LMBR1L: variants seen among roughly 807,000 people sequenced by gnomAD.
The protein encoded by LMBR1L is limb development membrane protein 1 like, also known as protein LMBR1L.
Under a neutral mutation model 67.3 loss-of-function variants are expected in LMBR1L, and 47 were observed. That is an observed-to-expected ratio of 0.70 (90% CI 0.55 to 0.89). The LOEUF (loss-of-function observed/expected upper bound fraction) is 0.89, where lower values mean the gene tolerates loss of function less well. Among genes scored for constraint, LMBR1L ranks in the 40% least tolerant of loss-of-function variants. The pLI, the probability that LMBR1L is intolerant of heterozygous loss-of-function variation, is 0.00. For synonymous variants in LMBR1L, 247 were observed against 250.3 expected, an observed-to-expected ratio of 0.99 and a Z score of 0.13; for missense variants, 533 against 599.2, an observed-to-expected ratio of 0.89 and a Z score of 1.15.
chr12:49,105,923 C>T lies in LMBR1L; in HGVS notation c.191+1G>A, dbSNP rs201470223. On this transcript the variant is annotated splice_donor_variant, in intron 3 of 16. Coordinates refer to ENST00000267102, the MANE Select transcript of LMBR1L (RefSeq NM_018113.4). LOFTEE classifies it high-confidence loss of function. ...TTAGGTGCTGAGGCAGGGACACTTA[C>T]GCAATCTTGTTGACGGTGGCATCTT... 3.0e-5 allele frequency: 48 copies of T among 1,612,336 alleles called. 1 individual carries two copies. The highest frequency in any genetic ancestry group is 1.2e-4 in the South Asian group (11 of 90,826).
intron 14 of LMBR1L, 23 bp from the exon 15 acceptor site, chr12:49,100,477 G>A: frequency 1.2e-6 from 2 of 1,612,356 alleles, no homozygotes; most frequent in Non-Finnish European, 1.7e-6. Flanking sequence ...AGGGAAAGGA[G>A]AGGTGAGGGT....
chr12:49,104,452 C>T lies in LMBR1L; in HGVS notation c.431G>A (p.Arg144Lys). 1 of 1,606,724 alleles carries T rather than the reference C, an allele frequency of 6.2e-7. No individual in the cohort carries two copies. Among genetic ancestry groups the T allele is most frequent in the Non-Finnish European group, 8.5e-7 (1 of 1,173,348 alleles). Residue 144 changes from arginine (R) to lysine (K), a missense_variant, in exon 5 of 17, where the codon AGA becomes AAA. Transcript: ENST00000267102. ...FTESEGFAGS[R>K]KGVLGRVYET... Reference sequence around the variant, plus strand: ...GGATACATATCCCCTACTTACCTTTCTGGAGCCAGCAAAGCCCTCAGACTC... The same window carrying T: ...GGATACATATCCCCTACTTACCTTTTTGGAGCCAGCAAAGCCCTCAGACTC...
chr12:49,106,695 G>T (rs1199494746), intron 2 of LMBR1L: 1 of 1,120,802 alleles, frequency 8.9e-7, no homozygotes, highest in Non-Finnish European at 1.3e-6. Context: ...ATCTCCTTTG[G>T]TCCACACAAT....
intron 6 of LMBR1L, 58 bp from the exon 7 acceptor site, chr12:49,103,217 C>G: frequency 6.9e-7 from 1 of 1,451,502 alleles, no homozygotes; most frequent in Non-Finnish European, 9.6e-7. Flanking sequence ...TGTCCCCAGG[C>G]TGACAGGCCT....
Position 49,103,784 on chromosome 12 carries a change from CACT to C in LMBR1L, c.462_464del (p.Val156del). On this transcript the variant is annotated inframe_deletion, in exon 6 of 17. Coordinates refer to ENST00000267102, the MANE Select transcript of LMBR1L (RefSeq NM_018113.4). The stretch of plus-strand genomic sequence containing the variant: ...GCAGAGTGAGGAGCATCAACATCAC[CACT>C]GTCTCATAGACCCGGCCCAGGACAC... 1 of 1,613,966 alleles carries C rather than the reference CACT, an allele frequency of 6.2e-7. No individual in the cohort carries two copies.
In LMBR1L at chr12:49,102,959, G is replaced by T. The variant is rs772510548; in HGVS notation, c.632-8C>A. ...GACCCAGTGGAGTACACACTGTAGG[G>T]ACAAGAGCCAGTCACTTGCCAGACC... On this transcript the variant is annotated splice_polypyrimidine_tract_variant and splice_region_variant and intron_variant, in intron 7 of 16. Coordinates refer to ENST00000267102, the MANE Select transcript of LMBR1L (RefSeq NM_018113.4). The T allele has an allele frequency of 1.2e-6, 2 of 1,613,906 alleles. No homozygotes were observed. The highest frequency in any genetic ancestry group is 1.7e-6 in the Non-Finnish European group (2 of 1,179,868).
intron 1 of LMBR1L, among the ~76,000 whole-genome samples, chr12:49,109,284 GAC>G (rs1180923260): frequency 7.2e-5 from 11 of 152,222 alleles, no homozygotes; most frequent in South Asian, 4.2e-4. Flanking sequence ...CCTCCAGCCC[GAC>G]ACTGTCTCAA....
rs1323535209 is a variant in LMBR1L, at chr12:49,105,005, G to C, written c.192-120C>G. 3 of 1,121,492 alleles carry C rather than the reference G, an allele frequency of 2.7e-6. No individual in the cohort carries two copies. The South Asian group carries it at 4.5e-5, about 17-fold the overall frequency. The allele number at this position is 1,121,492 out of a possible 1,614,324, so 69.5% of individuals were successfully genotyped here. ...CAGAACCAGCTGTAGCAATCACAGA[G>C]CTAAGGAAGGAGCTGTCCAGCTGGG... is the stretch of plus-strand genomic sequence containing the variant. On this transcript the variant is annotated intron_variant, in intron 3 of 16. Transcript: ENST00000267102.
intron 1 of LMBR1L, among the ~76,000 whole-genome samples, chr12:49,109,294 C>G (rs1160773517): frequency 7.2e-5 from 11 of 152,340 alleles, no homozygotes; most frequent in South Asian, 4.2e-4. Context: ...GACACTGTCT[C>G]AAGGCCTGGG....
In LMBR1L at chr12:49,102,345, C is replaced by A. The variant is rs1451551917; in HGVS notation, c.801G>T (p.Met267Ile). 1.2e-6 allele frequency: 2 copies of A among 1,614,104 alleles called. No individual in the cohort carries two copies. Among genetic ancestry groups the A allele is most frequent in the Non-Finnish European group, 1.7e-6 (2 of 1,180,044 alleles). Residue 267 changes from methionine to isoleucine, a missense_variant, in exon 10 of 17, where the codon ATG becomes ATT. By Grantham distance (10) the Met-to-Ile change is conservative. Transcript: ENST00000267102. Reference sequence around the variant, plus strand: ...CCAGGACCTGTCTGTGTAGCAGCTCCATGTCTAAAGGCAGCCAGCAGGAAG... The same window carrying A: ...CCAGGACCTGTCTGTGTAGCAGCTCAATGTCTAAAGGCAGCCAGCAGGAAG... Reference protein sequence around the residue: ...NPTSCWLPLDMELLHRQVLAL... With the variant: ...NPTSCWLPLDIELLHRQVLAL...
Position 49,110,544 on chromosome 12 carries a change from A to G in LMBR1L, c.12T>C (p.Pro4=). Residue 4 remains proline (P), a synonymous_variant, in exon 1 of 17, where the codon CCT becomes CCC. Transcript: ENST00000267102. The part of the protein sequence containing the change: MEA[P]DYEVLSVREQ... ...CTCGCACGGATAGCACTTCGTAGTCAGGTGCTTCCATACTCTGCTCAGCAT... is the reference window on the plus strand; with the variant it reads ...CTCGCACGGATAGCACTTCGTAGTCGGGTGCTTCCATACTCTGCTCAGCAT... The G allele has an allele frequency of 6.2e-7, 1 of 1,614,026 alleles. No homozygotes were observed. Among genetic ancestry groups the G allele is most frequent in the African/African-American group, 1.3e-5 (1 of 75,044 alleles).
At chr12:49,100,879 C>T (rs1940080225) in intron 13 of LMBR1L, 1 of 568,098 alleles carries the variant, frequency 1.8e-6, no homozygotes, top group African/African-American at 1.9e-5. Flanking sequence ...AAGCACGCAC[C>T]ACCACGTCTG....
At chr12:49,106,687 C>T (rs1208161220) in intron 2 of LMBR1L, 3 of 1,180,114 alleles carry the variant, frequency 2.5e-6, no homozygotes, top group Non-Finnish European at 3.6e-6. Flanking sequence ...CATTAACCAT[C>T]TCCTTTGGTC....
intron 5 of LMBR1L, 58 bp from the exon 6 acceptor site, chr12:49,103,871 G>C (rs1195302843): frequency 9.1e-6 from 14 of 1,530,294 alleles, no homozygotes; most frequent in Non-Finnish European, 1.1e-5. Flanking sequence ...GGGAACATTG[G>C]AGATGGCAGG....
At chr12:49,109,195 G>C (rs763126119) in intron 1 of LMBR1L, among the ~76,000 whole-genome samples, 1 of 152,138 alleles carries the variant, frequency 6.6e-6, no homozygotes, top group Non-Finnish European at 1.5e-5. Context: ...TCAGCTCATG[G>C]GACTAAAGGA....
intron 1 of LMBR1L, chr12:49,109,798 A>T: frequency 2.2e-6 from 1 of 452,674 alleles, no homozygotes; most frequent in Non-Finnish European, 4.4e-6. Flanking sequence ...GGGCGTAAGG[A>T]ACAGCAGCCA....
In LMBR1L at chr12:49,110,605, C is replaced by G. The variant is rs567938566; in HGVS notation, c.-50G>C. The G allele has an allele frequency of 3.7e-5, 58 of 1,568,148 alleles. No homozygotes were observed. Among genetic ancestry groups the G allele is most frequent in the Middle Eastern group, 1.7e-4 (1 of 5,892 alleles). On this transcript the variant is annotated 5_prime_UTR_variant, in exon 1 of 17. Coordinates refer to ENST00000267102, the MANE Select transcript of LMBR1L (RefSeq NM_018113.4). Reference sequence around the variant, plus strand: ...GAGGTGCCTCTGGGCCCGGGGAGGACGAGCGGGGAGGAAGCCGCCGCCGCC... The same window carrying G: ...GAGGTGCCTCTGGGCCCGGGGAGGAGGAGCGGGGAGGAAGCCGCCGCCGCC...
chr12:49,099,994 G>A (rs147012164), intron 15 of LMBR1L, among the ~76,000 whole-genome samples: 1 of 152,218 alleles, frequency 6.6e-6, no homozygotes, highest in Non-Finnish European at 1.5e-5. Flanking sequence ...TGGGGTTCAG[G>A]AGACAAGGGT....
intron 2 of LMBR1L, chr12:49,106,228 G>A (rs988715408): frequency 3.0e-5 from 16 of 533,616 alleles, no homozygotes; most frequent in Admixed American, 1.6e-4. Flanking sequence ...CCCATCACAA[G>A]TTCCTCTTTA....
Sources: gnomAD v4.1 joint callset for allele counts (sites outside exome capture counted in the v4.1 genomes callset) on GRCh38, gnomAD v4.1.1 for gene constraint, MANE v1.5 for transcripts, NCBI Gene and HGNC (gene_info 2026-07-23, HGNC 2026-07-21) for gene names.